The following TFDP2 variants were observed in gnomAD, a reference collection of about 807,000 sequenced individuals.
TFDP2 encodes the protein transcription factor Dp-2 (E2F dimerization partner 2).
In TFDP2, 17 loss-of-function variants were observed where a neutral mutation model predicts 59.3. The ratio of observed to expected loss-of-function variants is 0.29; its 90% confidence interval spans 0.20 to 0.43. TFDP2 has a LOEUF of 0.43. Among genes scored for constraint, TFDP2 ranks in the 20% least tolerant of loss-of-function variants. The pLI is 1.00. For synonymous variants in TFDP2, 180 were observed against 194.7 expected, an observed-to-expected ratio of 0.92 and a Z score of 0.63; for missense variants, 391 against 528.8, an observed-to-expected ratio of 0.74 and a Z score of 2.56.
At chr3:142,058,203 C>T (rs1347779114) in intron 3 of TFDP2, among the ~76,000 whole-genome samples, 3 of 151,916 alleles carry the variant, frequency 2.0e-5, no homozygotes, top group East Asian at 1.9e-4. Context: ...AACTAACCCT[C>T]GATATTAAAA....
intron 6 of TFDP2, among the ~76,000 whole-genome samples, chr3:141,980,281 A>C (rs1941336302): frequency 6.6e-6 from 1 of 151,968 alleles, no homozygotes; most frequent in South Asian, 2.1e-4. Context: ...ACAAACAGAA[A>C]AAAGCTTATG....
At chr3:141,985,519 C>CAAAAAAAAAAA (rs61684289) in intron 6 of TFDP2, among the ~76,000 whole-genome samples, 1 of 74,426 alleles carries the variant, frequency 1.3e-5, no homozygotes, top group Non-Finnish European at 2.5e-5. Context: ...GACGCTGTCT[C>CAAAAAAAAAAA]AAAAAAAAAA....
chr3:142,136,315 G>A (rs1362891957), intron 1 of TFDP2, among the ~76,000 whole-genome samples: 6 of 151,920 alleles, frequency 3.9e-5, no homozygotes, highest in Admixed American at 2.6e-4. Flanking sequence ...TTTGTCAGAT[G>A]GGTAGATTGC....
intron 3 of TFDP2, among the ~76,000 whole-genome samples, chr3:142,072,741 T>C (rs2060288802): frequency 6.6e-6 from 1 of 152,188 alleles, no homozygotes; most frequent in African/African-American, 2.4e-5. Flanking sequence ...ATAAAAGTAG[T>C]ATTGGATTAT....
At chr3:142,117,079 C>G (rs976849207) in intron 1 of TFDP2, among the ~76,000 whole-genome samples, 1 of 151,918 alleles carries the variant, frequency 6.6e-6, no homozygotes, top group Non-Finnish European at 1.5e-5. Context: ...GCACCACCAC[C>G]CCTGGCTAAT....
intron 3 of TFDP2, among the ~76,000 whole-genome samples, chr3:142,012,920 CG>C (rs1944836263): frequency 6.6e-6 from 1 of 152,082 alleles, no homozygotes; most frequent in African/African-American, 2.4e-5. Context: ...AGGAGGATCA[CG>C]AGGCCAGGAG....
intron 6 of TFDP2, 113 bp from the exon 7 acceptor site, chr3:141,978,795 A>G (rs1418422723): frequency 1.0e-5 from 8 of 798,726 alleles, no homozygotes; most frequent in Non-Finnish European, 1.4e-5. Context: ...TCAAGTGTCA[A>G]AAATTTAAAT....
At chr3:142,143,911 A>G (rs1214462066) in intron 1 of TFDP2, among the ~76,000 whole-genome samples, 5 of 152,218 alleles carry the variant, frequency 3.3e-5, no homozygotes, top group Non-Finnish European at 5.9e-5. Context: ...GTATATAGCC[A>G]AAAGAAAGGA....
At chr3:141,991,283 A>G (rs534450515) in intron 6 of TFDP2, among the ~76,000 whole-genome samples, 220 of 152,348 alleles carry the variant, frequency 1.4e-3, no homozygotes, top group Admixed American at 5.3e-3. Context: ...TTAAATGTAT[A>G]GTATTGTATC....
intron 3 of TFDP2, among the ~76,000 whole-genome samples, chr3:142,011,690 T>TA (rs1944721601): frequency 6.8e-6 from 1 of 146,118 alleles, no homozygotes; most frequent in South Asian, 2.1e-4. Flanking sequence ...ACTAGACTGA[T>TA]AAAAAATTAA....
intron 9 of TFDP2, among the ~76,000 whole-genome samples, chr3:141,969,747 T>C (rs1939424813): frequency 1.3e-5 from 2 of 152,190 alleles, no homozygotes; most frequent in African/African-American, 4.8e-5. Flanking sequence ...CTAGTGGATA[T>C]TCCAAATTCG....
rs1553761666 is a variant in TFDP2 at position 141,973,093 on chromosome 3, G to GTATATATA, written c.663+947_663+954dup. 7.5e-3 allele frequency among the ~76,000 whole-genome samples: 767 copies of GTATATATA among 102,932 alleles called. 6 individuals are homozygous for GTATATATA. The highest frequency in any genetic ancestry group is 0.013 in the African/African-American group (354 of 27,558). The allele number at this position is 102,932 out of a possible 152,430, so 67.5% of individuals were successfully genotyped here. A position where few individuals can be genotyped will look rare whatever the true frequency, so the allele number is the denominator to read the frequency against. On this transcript the variant is annotated intron_variant, in intron 8 of 12. Coordinates refer to ENST00000489671, the MANE Select transcript of TFDP2 (RefSeq NM_001178139.2). Reference sequence around the variant, plus strand: ...TCTTAATTATCTCCCAAAGCTATGTGTATATATATATATATATATATATAT... The same window carrying GTATATATA: ...TCTTAATTATCTCCCAAAGCTATGTGTATATATATATATATATATATATATATATATAT...
At chr3:142,075,906 C>CAAA (rs60581045) in intron 3 of TFDP2, among the ~76,000 whole-genome samples, 2 of 80,708 alleles carry the variant, frequency 2.5e-5, no homozygotes, top group Non-Finnish European at 2.4e-5. Context: ...GAACCTGCCT[C>CAAA]AAAAAAAAAA....
chr3:141,969,130 C>CATAT (rs369075227), intron 9 of TFDP2, among the ~76,000 whole-genome samples: 888 of 46,262 alleles, frequency 0.019, 151 homozygotes, highest in African/African-American at 0.032. Flanking sequence ...ATATATATAA[C>CATAT]ATATATATCC....
At chr3:142,107,925 C>A (rs768925679) in intron 1 of TFDP2, among the ~76,000 whole-genome samples, 7 of 151,938 alleles carry the variant, frequency 4.6e-5, no homozygotes, top group Admixed American at 1.3e-4. Context: ...TGAAAGAATC[C>A]TTTAAAATCT....
intron 2 of TFDP2, chr3:142,093,943 T>C (rs753802090): frequency 4.3e-5 from 22 of 512,786 alleles, no homozygotes; most frequent in Non-Finnish European, 7.8e-5. Context: ...GCTCAATCCA[T>C]GTCAGCATAC....
intron 1 of TFDP2, among the ~76,000 whole-genome samples, chr3:142,115,358 G>T (rs542362724): frequency 7.2e-6 from 1 of 138,170 alleles, no homozygotes; most frequent in African/African-American, 2.7e-5. Context: ...CCGCTCTCTC[G>T]CTCAGGCTGG....
intron 1 of TFDP2, among the ~76,000 whole-genome samples, chr3:142,107,673 T>C (rs2061520091): frequency 6.6e-6 from 1 of 152,206 alleles, no homozygotes; most frequent in South Asian, 2.1e-4. Context: ...TTATTTTCAT[T>C]TTACAGAAGA....
intron 3 of TFDP2, among the ~76,000 whole-genome samples, chr3:142,038,389 A>G (rs972293252): frequency 3.0e-5 from 4 of 133,936 alleles, no homozygotes; most frequent in Admixed American, 7.4e-5. Context: ...ATCTCAAAAA[A>G]AAAAAAAAAA....
Sources: gnomAD v4.1 joint callset for allele counts (sites outside exome capture counted in the v4.1 genomes callset) on GRCh38, gnomAD v4.1.1 for gene constraint, MANE v1.5 for transcripts, NCBI Gene and HGNC (gene_info 2026-07-23, HGNC 2026-07-21) for gene names.